The following CALR3 variants were observed in gnomAD, a reference collection of about 807,000 sequenced individuals.
CALR3 encodes calreticulin 3.
Under a neutral mutation model 48.7 loss-of-function variants are expected in CALR3, and 39 were observed. The ratio of observed to expected loss-of-function variants is 0.80; its 90% CI spans 0.62 to 1.05. CALR3 has a LOEUF of 1.05. Among genes scored for constraint, CALR3 ranks in the 50% least tolerant of loss-of-function variants. The pLI is 0.00. For missense variants in CALR3, 449 were observed against 474.7 expected, an observed-to-expected ratio of 0.95 and a Z score of 0.50; for synonymous variants, 185 against 172.7, an observed-to-expected ratio of 1.07 and a Z score of -0.56.
chr19:16,492,451 C>T (rs1266150596), intron 2 of CALR3, among the ~76,000 whole-genome samples: 2 of 151,910 alleles, frequency 1.3e-5, no homozygotes, highest in African/African-American at 4.8e-5. Context: ...AATAAATAAG[C>T]CAGACGCAGT....
At position 16,483,649 on chromosome 19, in the gene CALR3, C is replaced by T. The variant is rs574718061; in HGVS notation, c.678+281G>A. On this transcript the variant is annotated intron_variant, in intron 5 of 8. Coordinates refer to ENST00000269881, the MANE Select transcript of CALR3 (RefSeq NM_145046.5). ...AGGAGAATCACTTGAACCTGGGAGG[C>T]GGAGGTTGCCGTGAGCTGAGATCAC... is the stretch of plus-strand genomic sequence containing the variant. 218 of 337,990 alleles carry T rather than the reference C, an allele frequency of 6.4e-4. 4 individuals are homozygous for T. In the East Asian group the frequency reaches 0.014, roughly 21 times the overall value. The allele number at this position is 337,990 out of a possible 1,614,324, so 20.9% of individuals were successfully genotyped here. A position where few individuals can be genotyped will look rare whatever the true frequency, so the allele number is the denominator to read the frequency against.
At position 16,480,511 on chromosome 19, in the gene CALR3, C is replaced by T; in HGVS notation, c.1011+103G>A. On this transcript the variant is annotated intron_variant, in intron 8 of 8. Coordinates refer to ENST00000269881, the MANE Select transcript of CALR3 (RefSeq NM_145046.5). Reference sequence around the variant, plus strand: ...AGGTTGCAGTGAGCCGAGACTATGCCACTACATTACAGCCTGGGTGACAGA... The same window carrying T: ...AGGTTGCAGTGAGCCGAGACTATGCTACTACATTACAGCCTGGGTGACAGA... 3 of 768,506 alleles carry T rather than the reference C, an allele frequency of 3.9e-6. No individual in the cohort carries two copies. The South Asian group carries it at 4.3e-5, about 11-fold the overall frequency. The allele number at this position is 768,506 out of a possible 1,614,324, so 47.6% of individuals were successfully genotyped here. A position where few individuals can be genotyped will look rare whatever the true frequency, so the allele number is the denominator to read the frequency against.
Position 16,482,786 on chromosome 19 carries a change from C to CT in CALR3, c.679-2dup, listed in dbSNP as rs756560192. ...CGTCCAGAAAATGCTTCTCCCAGTCCTTCAAAGACATGTAAGGAAAAAGTA... is the reference window on the plus strand; with the variant it reads ...CGTCCAGAAAATGCTTCTCCCAGTCCTTTCAAAGACATGTAAGGAAAAAGTA... On this transcript the variant is annotated splice_acceptor_variant, in intron 5 of 8. Coordinates refer to ENST00000269881, the MANE Select transcript of CALR3 (RefSeq NM_145046.5). LOFTEE classifies it high-confidence loss of function. The CT allele has an allele frequency of 4.3e-6, 7 of 1,612,148 alleles. No homozygotes were observed. The Admixed American group carries it at 1.2e-4, about 27-fold the overall frequency.
chr19:16,493,676 A>C (rs1219659578), intron 2 of CALR3, among the ~76,000 whole-genome samples: 1 of 151,126 alleles, frequency 6.6e-6, no homozygotes, highest in South Asian at 2.1e-4. Context: ...CAATCTCTCA[A>C]GTAGCTGGGA....
At chr19:16,486,560 C>T (rs1049159168) in intron 3 of CALR3, among the ~76,000 whole-genome samples, 3 of 141,708 alleles carry the variant, frequency 2.1e-5, no homozygotes, top group African/African-American at 8.0e-5. Context: ...GCGGAGGTTG[C>T]AATGAGCCGA....
Position 16,490,585 on chromosome 19 carries a change from T to C in CALR3, c.194-15A>G, listed in dbSNP as rs1254334276. ...GGTTTGCAGACCTTTGAACAAAATA[T>C]ACTCATGAAGGATCAGGAATGACGC... On this transcript the variant is annotated splice_polypyrimidine_tract_variant and intron_variant, in intron 2 of 8. Coordinates refer to ENST00000269881, the MANE Select transcript of CALR3 (RefSeq NM_145046.5). 2 of 1,610,324 alleles carry C rather than the reference T, an allele frequency of 1.2e-6. No individual in the cohort carries two copies. Among genetic ancestry groups the C allele is most frequent in the South Asian group, 2.2e-5 (2 of 91,004 alleles).
chr19:16,483,807 G>A, intron 5 of CALR3, 123 bp downstream of exon 5: 4 of 892,350 alleles, frequency 4.5e-6, no homozygotes, highest in Non-Finnish European at 7.3e-6. Context: ...TGTGCTCTGG[G>A]GAGGGCATTT....
At chr19:16,495,956 G>A (rs1377009081) in intron 1 of CALR3, 83 bp downstream of exon 1, 5 of 1,556,026 alleles carry the variant, frequency 3.2e-6, no homozygotes, top group Non-Finnish European at 4.4e-6. Flanking sequence ...CGCTGCCGTG[G>A]ACCCCGTGGC....
intron 7 of CALR3, 114 bp downstream of exon 7, chr19:16,482,336 G>A (rs1388621585): frequency 1.6e-5 from 23 of 1,438,666 alleles, no homozygotes; most frequent in Non-Finnish European, 2.2e-5. Flanking sequence ...CTAGGATGGT[G>A]CCACTGCACT....
chr19:16,483,906 G>C lies in CALR3; in HGVS notation c.678+24C>G, dbSNP rs560967718. The C allele has an allele frequency of 2.0e-5, 33 of 1,611,530 alleles. No homozygotes were observed. In the Admixed American group the frequency reaches 4.0e-4, roughly 20 times the overall value. On this transcript the variant is annotated intron_variant, in intron 5 of 8. Transcript: ENST00000269881. The stretch of plus-strand genomic sequence containing the variant: ...ACAAACTACATTTGTGCACTTTTTA[G>C]AGTTGCCCAGGAAAAATTCACACCT...
In CALR3 at chr19:16,491,007, G is replaced by A. The variant is rs187461430; in HGVS notation, c.194-437C>T. 2.2e-4 allele frequency among the ~76,000 whole-genome samples: 34 copies of A among 152,140 alleles called. No homozygotes were observed. In the East Asian group the frequency reaches 6.2e-3, roughly 28 times the overall value. ...AACTCCTGACCTCAGGTGACTGCCC[G>A]TCTCAGCCTCCCAAAGTGCTGGAAT... On this transcript the variant is annotated intron_variant, in intron 2 of 8. Coordinates refer to ENST00000269881, the MANE Select transcript of CALR3 (RefSeq NM_145046.5).
At chr19:16,493,722 GTATA>G (rs200027257) in intron 2 of CALR3, among the ~76,000 whole-genome samples, 1 of 144,308 alleles carries the variant, frequency 6.9e-6, no homozygotes, top group African/African-American at 2.6e-5. Context: ...GCTAATATTT[GTATA>G]TATATATATT....
At chr19:16,493,257 A>G (rs1363942610) in intron 2 of CALR3, among the ~76,000 whole-genome samples, 1 of 152,204 alleles carries the variant, frequency 6.6e-6, no homozygotes, top group Admixed American at 6.5e-5. Flanking sequence ...CCTAACTCAG[A>G]CCAGATGGCA....
At position 16,483,880 on chromosome 19, in the gene CALR3, T is replaced by C. The variant is rs540693852; in HGVS notation, c.678+50A>G. The C allele has an allele frequency of 1.9e-6, 3 of 1,581,092 alleles. No homozygotes were observed. The East Asian group carries it at 6.8e-5, about 36-fold the overall frequency. On this transcript the variant is annotated intron_variant, in intron 5 of 8. Transcript: ENST00000269881. ...AGCAATTGTCCAGTAACTGGGTACT[T>C]ACAAACTACATTTGTGCACTTTTTA...
intron 3 of CALR3, among the ~76,000 whole-genome samples, chr19:16,489,297 G>A (rs2093394200): frequency 6.6e-6 from 1 of 152,052 alleles, no homozygotes; most frequent in African/African-American, 2.4e-5. Flanking sequence ...CCTGCCAGGA[G>A]TTCGAGACCA....
In CALR3 at chr19:16,482,441, C is replaced by T; in HGVS notation, c.918+9G>A. 3.1e-6 allele frequency: 5 copies of T among 1,614,140 alleles called. No individual in the cohort carries two copies. The highest frequency in any genetic ancestry group is 1.7e-5 in the Admixed American group (1 of 60,018). ...CAAAAAATCTAAAGTAAAGTTAAAACCAAATGACCTGCCAAAGCTCCAGGC... is the reference window on the plus strand; with the variant it reads ...CAAAAAATCTAAAGTAAAGTTAAAATCAAATGACCTGCCAAAGCTCCAGGC... On this transcript the variant is annotated intron_variant, in intron 7 of 8. Coordinates refer to ENST00000269881, the MANE Select transcript of CALR3 (RefSeq NM_145046.5).
rs1180278335 is a variant in CALR3 at position 16,490,975 on chromosome 19, G to A, written c.194-405C>T. On this transcript the variant is annotated intron_variant, in intron 2 of 8. Coordinates refer to ENST00000269881, the MANE Select transcript of CALR3 (RefSeq NM_145046.5). ...AGGGTTTCTCCATGTTGGTCAGGCT[G>A]GTCTTGAACTCCTGACCTCAGGTGA... is the stretch of plus-strand genomic sequence containing the variant. 2.0e-5 allele frequency among the ~76,000 whole-genome samples: 3 copies of A among 151,978 alleles called. No individual in the cohort carries two copies. The East Asian group carries it at 5.8e-4, about 29-fold the overall frequency.
intron 2 of CALR3, 145 bp from the exon 3 acceptor site, chr19:16,490,715 AATAATGC>A (rs1223562648): frequency 2.6e-6 from 2 of 768,900 alleles, no homozygotes; most frequent in Non-Finnish European, 2.3e-6. Context: ...AGCATTATAC[AATAATGC>A]ATAATGGGTA....
In CALR3 at chr19:16,491,424, T is replaced by A. The variant is rs1276504629; in HGVS notation, c.194-854A>T. ...GGCGTGAGCCACCGTGCCCGACTGG[T>A]CCCTTTCCTAAACATTCTACTCTGC... On this transcript the variant is annotated intron_variant, in intron 2 of 8. Coordinates refer to ENST00000269881, the MANE Select transcript of CALR3 (RefSeq NM_145046.5). Among the ~76,000 whole-genome samples, 3 of 147,640 alleles carry A rather than the reference T, an allele frequency of 2.0e-5. No individual in the cohort carries two copies. The East Asian group carries it at 6.4e-4, about 32-fold the overall frequency.
Sources: gnomAD v4.1 joint callset for allele counts (sites outside exome capture counted in the v4.1 genomes callset) on GRCh38, gnomAD v4.1.1 for gene constraint, MANE v1.5 for transcripts, NCBI Gene and HGNC (gene_info 2026-07-23, HGNC 2026-07-21) for gene names.